The following CAD variants were observed in gnomAD, a reference collection of about 807,000 sequenced individuals.
CAD encodes carbamoyl-phosphate synthetase 2, aspartate transcarbamylase, and dihydroorotase.
In CAD, 81 loss-of-function variants were observed where a neutral mutation model predicts 237.2. The ratio of observed to expected loss-of-function variants is 0.34; its 90% CI spans 0.29 to 0.41. The LOEUF is 0.41. Among genes scored for constraint, CAD ranks in the 10% least tolerant of loss-of-function variants. The pLI is 1.00. For synonymous variants in CAD, 1,196 were observed against 1,162.8 expected (o/e 1.03, Z -0.58); for missense variants, 2,181 against 2,951.7 (o/e 0.74, Z 6.05).
Position 27,239,359 on chromosome 2 carries a change from C to A in CAD, c.5282C>A (p.Pro1761His). 1 of 1,613,982 alleles carries A rather than the reference C, an allele frequency of 6.2e-7. No homozygotes were observed. Among genetic ancestry groups the A allele is most frequent in the Non-Finnish European group, 8.5e-7 (1 of 1,179,950 alleles). Residue 1761 changes from proline (P) to histidine (H), a missense_variant, in exon 33 of 44, where the codon CCC becomes CAC. Coordinates refer to ENST00000264705, the MANE Select transcript of CAD (RefSeq NM_004341.5). This position sits in a 1 kb window ranked among gnomAD's most constrained non-coding sequence, Gnocchi z 4.0. ...EVDLEHEWTIPSHMPFSKAHW... is the reference protein window; with the variant it reads ...EVDLEHEWTIHSHMPFSKAHW... ...GATCTGGAGCATGAGTGGACAATTCCCAGCCACATGCCCTTCTCCAAGGCC... is the reference window on the plus strand; with the variant it reads ...GATCTGGAGCATGAGTGGACAATTCACAGCCACATGCCCTTCTCCAAGGCC...
rs1358774430 is a variant in CAD at position 27,239,774 on chromosome 2, C to T, written c.5472C>T (p.Ala1824=). The change falls in exon 34 of 44, where the codon GCC becomes GCT. Residue 1824 remains alanine (A), a synonymous_variant. Coordinates refer to ENST00000264705, the MANE Select transcript of CAD (RefSeq NM_004341.5). This position sits in a 1 kb window ranked among gnomAD's most constrained non-coding sequence, Gnocchi z 4.0. ...QGAVPQLPPS[A]PATSEMTTTP... The stretch of plus-strand genomic sequence containing the variant: ...CTGTTCCTCAGCTCCCACCCTCAGC[C>T]CCTGCCACTAGTGAGATGACCACGG... The T allele has an allele frequency of 6.3e-7, 1 of 1,575,186 alleles. No individual in the cohort carries two copies. Among genetic ancestry groups the T allele is most frequent in the Non-Finnish European group, 8.6e-7 (1 of 1,159,874 alleles).
chr2:27,230,940 G>A (rs1675720616), intron 15 of CAD, among the ~76,000 whole-genome samples: 1 of 152,236 alleles, frequency 6.6e-6, no homozygotes, highest in Admixed American at 6.5e-5. Flanking sequence ...TAAGCACAAA[G>A]CCTGAGCTTA....
intron 2 of CAD, among the ~76,000 whole-genome samples, chr2:27,219,957 T>G (rs908360894): frequency 1.3e-5 from 2 of 152,122 alleles, no homozygotes; most frequent in Non-Finnish European, 2.9e-5. Flanking sequence ...GAACCTTTGT[T>G]TTTTATTTGG....
At chr2:27,218,607 A>G (rs1458214281) in intron 2 of CAD, among the ~76,000 whole-genome samples, 2 of 152,064 alleles carry the variant, frequency 1.3e-5, no homozygotes, top group African/African-American at 4.8e-5. Flanking sequence ...TATCTTCTAG[A>G]CCTACTGACA....
Position 27,243,403 on chromosome 2 carries a change from T to TC in CAD, c.6576-13_6576-12insC. The TC allele has an allele frequency of 6.4e-7, 1 of 1,553,078 alleles. No individual in the cohort carries two copies. The highest frequency in any genetic ancestry group is 8.7e-7 in the Non-Finnish European group (1 of 1,150,084). On this transcript the variant is annotated splice_polypyrimidine_tract_variant and intron_variant, in intron 43 of 43. Transcript: ENST00000264705. Reference sequence around the variant, plus strand: ...CGATAACACTTCCTTTTTTTTTTTTTTTTTTTTTGCAGCGTGGAAGTGGAC... The same window carrying TC: ...CGATAACACTTCCTTTTTTTTTTTTTCTTTTTTTTGCAGCGTGGAAGTGGAC...
intron 42 of CAD, 38 bp downstream of exon 42, chr2:27,243,011 C>A: frequency 6.6e-7 from 1 of 1,517,512 alleles, no homozygotes; most frequent in Non-Finnish European, 9.0e-7. Flanking sequence ...AGGGCTGCTG[C>A]CGTAGGGCAT....
Position 27,236,772 on chromosome 2 carries a change from C to A in CAD, c.4338C>A (p.Ala1446=). 6.2e-7 allele frequency: 1 copy of A among 1,614,112 alleles called. No homozygotes were observed. Among genetic ancestry groups the A allele is most frequent in the South Asian group, 1.1e-5 (1 of 91,082 alleles). Residue 1446 remains alanine (A), a synonymous_variant, in exon 27 of 44, where the codon GCC becomes GCA. Transcript: ENST00000264705. The surrounding 1 kb of genome is among the most constrained non-coding windows in gnomAD (Gnocchi z 4.1). Reference sequence around the variant, plus strand: ...AGGCCCTAGGCCAGATCGGGCCAGCCCCTCCTTTGAAGGTGCATGTTGACT... The same window carrying A: ...AGGCCCTAGGCCAGATCGGGCCAGCACCTCCTTTGAAGGTGCATGTTGACT... The part of the protein sequence containing the change: ...FVEALGQIGP[A]PPLKVHVDCM...
intron 2 of CAD, among the ~76,000 whole-genome samples, chr2:27,219,454 C>T (rs1355559952): frequency 6.6e-6 from 1 of 152,142 alleles, no homozygotes; most frequent in Non-Finnish European, 1.5e-5. Flanking sequence ...GTAGTCCTCC[C>T]ACCTCAACCC....
At position 27,217,644 on chromosome 2, in the gene CAD, C is replaced by T; in HGVS notation, c.82+11C>T. On this transcript the variant is annotated intron_variant, in intron 1 of 43. Coordinates refer to ENST00000264705, the MANE Select transcript of CAD (RefSeq NM_004341.5). ...CTGCCGGGGAAGTGGGTAAGCAAGCCCGGTTAGGCTGCAGACCTTATCCCA... is the reference window on the plus strand; with the variant it reads ...CTGCCGGGGAAGTGGGTAAGCAAGCTCGGTTAGGCTGCAGACCTTATCCCA... 6.3e-7 allele frequency: 1 copy of T among 1,598,150 alleles called. No individual in the cohort carries two copies.
Position 27,222,524 on chromosome 2 carries a change from A to T in CAD, c.501A>T (p.Pro167=). 3 of 1,613,970 alleles carry T rather than the reference A, an allele frequency of 1.9e-6. No individual in the cohort carries two copies. Among genetic ancestry groups the T allele is most frequent in the Non-Finnish European group, 2.5e-6 (3 of 1,179,862 alleles). The change falls in exon 5 of 44, where the codon CCA becomes CCT. Residue 167 remains proline, a synonymous_variant. Coordinates refer to ENST00000264705, the MANE Select transcript of CAD (RefSeq NM_004341.5). The part of the protein sequence containing the change: ...PLVPEVSIKT[P]RVFNTGGAPR... The stretch of plus-strand genomic sequence containing the variant: ...TTTATTCGTCTATTTCTCAGACTCC[A>T]CGGGTATTCAATACAGGGGGTGCCC...
Position 27,225,055 on chromosome 2 carries a change from G to A in CAD, c.1432G>A (p.Gly478Ser). 1 of 1,613,500 alleles carries A rather than the reference G, an allele frequency of 6.2e-7. No individual in the cohort carries two copies. Among genetic ancestry groups the A allele is most frequent in the Non-Finnish European group, 8.5e-7 (1 of 1,179,512 alleles). The stretch of plus-strand genomic sequence containing the variant: ...CGATGGTGTGTTACTGACTTTTGGG[G>A]GCCAGACTGCTCTGAACTGTGGTGT... ...RPDGVLLTFG[G>S]QTALNCGVEL... The change falls in exon 11 of 44, where the codon GGC (glycine) becomes AGC (serine). Residue 478 changes from glycine to serine, a missense_variant. Around this residue, in one of 12 missense-constraint regions of CAD, gnomAD observed 174 missense variants for 215.8 expected, o/e 0.81. Coordinates refer to ENST00000264705, the MANE Select transcript of CAD (RefSeq NM_004341.5).
At chr2:27,231,614 A>G (rs1419635386) in intron 16 of CAD, 34 bp downstream of exon 16, 2 of 1,293,410 alleles carry the variant, frequency 1.5e-6, no homozygotes, top group Admixed American at 1.7e-5. Context: ...AATACCCCTA[A>G]AATAGACCCT....
In CAD at chr2:27,226,226, G is replaced by C; in HGVS notation, c.1938G>C (p.Gln646His). The C allele has an allele frequency of 6.2e-7, 1 of 1,614,172 alleles. No individual in the cohort carries two copies. Among genetic ancestry groups the C allele is most frequent in the South Asian group, 1.1e-5 (1 of 91,086 alleles). ...PSQTLNDREY[Q>H]LLRQTAIKVT... ...AGACACTGAATGACAGGGAGTATCAGCTCCTGAGGCAGACAGCTATCAAGG... is the reference window on the plus strand; with the variant it reads ...AGACACTGAATGACAGGGAGTATCACCTCCTGAGGCAGACAGCTATCAAGG... The change falls in exon 13 of 44, where the codon CAG becomes CAC. Residue 646 changes from glutamine to histidine, a missense_variant. By Grantham distance (24) the Gln-to-His change is conservative. Transcript: ENST00000264705.
In CAD at chr2:27,240,583, A is replaced by G. The variant is rs1254346825; in HGVS notation, c.5593+222A>G. 6.5e-7 allele frequency: 1 copy of G among 1,545,816 alleles called. No individual in the cohort carries two copies. The stretch of plus-strand genomic sequence containing the variant: ...TGTGGGCAGCTGTGTTCCTCCGCCC[A>G]GGAGCTGGGATCCCACGGGGCAGCA... On this transcript the variant is annotated intron_variant, in intron 35 of 43. Transcript: ENST00000264705. This position sits in a 1 kb window ranked among gnomAD's most constrained non-coding sequence, Gnocchi z 4.6.
chr2:27,218,264 T>C (rs887901985), intron 2 of CAD, among the ~76,000 whole-genome samples: 3 of 152,208 alleles, frequency 2.0e-5, no homozygotes, highest in Admixed American at 2.0e-4. Flanking sequence ...GCTCCAGGTA[T>C]AGCTGAAAGC....
At position 27,234,048 on chromosome 2, in the gene CAD, C is replaced by G. The variant is rs763798549; in HGVS notation, c.3440C>G (p.Ala1147Gly). The G allele has an allele frequency of 6.2e-7, 1 of 1,614,084 alleles. No individual in the cohort carries two copies. Among genetic ancestry groups the G allele is most frequent in the Non-Finnish European group, 8.5e-7 (1 of 1,179,986 alleles). Residue 1147 changes from alanine (A) to glycine (G), a missense_variant, in exon 22 of 44, where the codon GCA becomes GGA. Around this residue, in one of 12 missense-constraint regions of CAD, gnomAD observed 306 missense variants for 607.9 expected, o/e 0.50. Transcript: ENST00000264705. ...GCCGTGGCCTCTGATGGTGTGGTGG[C>G]AGCCATCGCCATCTCTGAGCATGTG... The part of the protein sequence containing the change: ...VDAVASDGVV[A>G]AIAISEHVEN...
chr2:27,236,829 G>C lies in CAD; in HGVS notation c.4395G>C (p.Pro1465=), dbSNP rs200696069. Residue 1465 remains proline (P), a splice_region_variant and synonymous_variant, in exon 27 of 44, where the codon CCG becomes CCC. Coordinates refer to ENST00000264705, the MANE Select transcript of CAD (RefSeq NM_004341.5). The surrounding 1 kb of genome is among the most constrained non-coding windows in gnomAD (Gnocchi z 4.1). ...CMTSQKLVRL[P]GLIDVHVHLR... ...CCTCCCAAAAGCTTGTGCGACTGCC[G>C]GGTAAGTCTTTGGGGAGAACTTGGC... 158 of 1,613,784 alleles carry C rather than the reference G, an allele frequency of 9.8e-5. No homozygotes were observed. The highest frequency in any genetic ancestry group is 4.7e-4 in the Admixed American group (28 of 59,990).
At position 27,233,224 on chromosome 2, in the gene CAD, G is replaced by T; in HGVS notation, c.2991+84G>T. Reference sequence around the variant, plus strand: ...GCTGACCTAAGATTCTTTGAAACTTGGTGGCGGCTGAGGGAAGCAGTGAGC... The same window carrying T: ...GCTGACCTAAGATTCTTTGAAACTTTGTGGCGGCTGAGGGAAGCAGTGAGC... On this transcript the variant is annotated intron_variant, in intron 19 of 43. Transcript: ENST00000264705. The surrounding 1 kb of genome is among the most constrained non-coding windows in gnomAD (Gnocchi z 6.3). 1 of 1,509,570 alleles carries T rather than the reference G, an allele frequency of 6.6e-7. No individual in the cohort carries two copies. The highest frequency in any genetic ancestry group is 1.1e-5 in the South Asian group (1 of 88,380). The allele number at this position is 1,509,570 out of a possible 1,614,324, so 93.5% of individuals were successfully genotyped here. A position where few individuals can be genotyped will look rare whatever the true frequency, so the allele number is the denominator to read the frequency against.
In CAD at chr2:27,224,893, G is replaced by A. The variant is rs1256227521; in HGVS notation, c.1386+17G>A. On this transcript the variant is annotated intron_variant, in intron 10 of 43. Coordinates refer to ENST00000264705, the MANE Select transcript of CAD (RefSeq NM_004341.5). The stretch of plus-strand genomic sequence containing the variant: ...GTAACCCAGGTATGACTGGGGCAAG[G>A]CTGGAATGAAAAGAGGACTGGGCAG... 1 of 1,614,166 alleles carries A rather than the reference G, an allele frequency of 6.2e-7. No individual in the cohort carries two copies. The highest frequency in any genetic ancestry group is 2.2e-5 in the East Asian group (1 of 44,888).
Sources: gnomAD v4.1 joint callset for allele counts (sites outside exome capture counted in the v4.1 genomes callset) on GRCh38, gnomAD v4.1.1 for gene constraint, gnomAD v4.1.1 regional missense constraint, Gnocchi (gnomAD v3.1) non-coding constraint, MANE v1.5 for transcripts, NCBI Gene and HGNC (gene_info 2026-07-23, HGNC 2026-07-21) for gene names.